The following EEIG2 variants were observed in gnomAD, a reference collection of about 807,000 sequenced individuals.
The protein encoded by EEIG2 is family with sequence similarity 102 member B.
chr1:108,629,716 G>A, the EEIG2 span: 2 of 1,322,480 alleles, frequency 1.5e-6, no homozygotes, highest in Non-Finnish European at 2.2e-6. Flanking sequence ...AAAAAATCAT[G>A]AGTAGAGGAT....
the EEIG2 span, among the ~76,000 whole-genome samples, chr1:108,574,430 G>A: frequency 2.0e-5 from 3 of 152,160 alleles, no homozygotes; most frequent in African/African-American, 4.8e-5. Context: ...TCTGGACATT[G>A]GACACTACTG....
chr1:108,581,349 G>C, the EEIG2 span, among the ~76,000 whole-genome samples: 2 of 152,152 alleles, frequency 1.3e-5, no homozygotes, highest in Non-Finnish European at 1.5e-5. Flanking sequence ...GCAGCTTGTG[G>C]ATCAAAAAGT....
chr1:108,592,808 A>G, the EEIG2 span, among the ~76,000 whole-genome samples: 2 of 152,352 alleles, frequency 1.3e-5, no homozygotes, highest in South Asian at 2.1e-4. Context: ...TCAGCTGCAT[A>G]TAACAAAATC....
chr1:108,579,772 T>TGAGAGAGAGA, the EEIG2 span, among the ~76,000 whole-genome samples: 901 of 58,850 alleles, frequency 0.015, 22 homozygotes, highest in Non-Finnish European at 0.022. Flanking sequence ...TGTGTGTGTG[T>TGAGAGAGAGA]GAGAGAGAGA....
the EEIG2 span, chr1:108,600,802 T>A: frequency 1.0e-6 from 1 of 990,708 alleles, no homozygotes; most frequent in Non-Finnish European, 1.4e-6. Context: ...ATATGCAGTT[T>A]CACTTCATGC....
the EEIG2 span, among the ~76,000 whole-genome samples, chr1:108,571,231 G>C: frequency 6.6e-6 from 1 of 152,124 alleles, no homozygotes; most frequent in Non-Finnish European, 1.5e-5. Flanking sequence ...AAGTAGTAGA[G>C]TTACAGCCTG....
the EEIG2 span, among the ~76,000 whole-genome samples, chr1:108,575,256 T>A: frequency 1.5e-4 from 23 of 152,226 alleles, no homozygotes; most frequent in Non-Finnish European, 2.8e-4. Context: ...CATTCTATCA[T>A]CCCATTTTTG....
chr1:108,595,735 T>G, the EEIG2 span, among the ~76,000 whole-genome samples: 3 of 146,486 alleles, frequency 2.0e-5, no homozygotes, highest in Non-Finnish European at 4.5e-5. Context: ...GAGAGGGAGA[T>G]GTAATAGCTT....
chr1:108,590,873 G>T, the EEIG2 span, among the ~76,000 whole-genome samples: 1 of 152,052 alleles, frequency 6.6e-6, no homozygotes, highest in African/African-American at 2.4e-5. Context: ...TGGTACAGTA[G>T]TCACAAAAAA....
the EEIG2 span, among the ~76,000 whole-genome samples, chr1:108,594,859 C>T: frequency 6.6e-6 from 1 of 152,124 alleles, no homozygotes; most frequent in African/African-American, 2.4e-5. Context: ...ATTTATAATG[C>T]TGTGCTGAAG....
chr1:108,616,694 C>T, the EEIG2 span, among the ~76,000 whole-genome samples: 3 of 152,010 alleles, frequency 2.0e-5, no homozygotes, highest in East Asian at 1.9e-4. Flanking sequence ...ATTTTTAATA[C>T]GGCTTCTGTG....
chr1:108,624,643 A>T, the EEIG2 span: 70 of 1,611,434 alleles, frequency 4.3e-5, no homozygotes, highest in Non-Finnish European at 5.9e-5. Context: ...GTTTATTTAC[A>T]GGCCTCCCTC....
chr1:108,612,310 G>T, the EEIG2 span: 126 of 1,514,186 alleles, frequency 8.3e-5, no homozygotes, highest in Non-Finnish European at 1.1e-4. Context: ...CACGTTTCAG[G>T]ATTTACTTGT....
the EEIG2 span, among the ~76,000 whole-genome samples, chr1:108,622,079 C>T: frequency 6.6e-6 from 1 of 152,152 alleles, no homozygotes; most frequent in Admixed American, 6.6e-5. Flanking sequence ...ATCACTTGAA[C>T]CCGGGAGGCG....
At chr1:108,560,262 A>AGGCGGC in the EEIG2 span, 1 of 229,694 alleles carries the variant, frequency 4.4e-6, no homozygotes, top group African/African-American at 2.4e-5. Context: ...CTGCCGCGAG[A>AGGCGGC]GGCGGCGGCA....
At chr1:108,595,186 G>A in the EEIG2 span, among the ~76,000 whole-genome samples, 1 of 151,976 alleles carries the variant, frequency 6.6e-6, no homozygotes, top group African/African-American at 2.4e-5. Context: ...CAAATGAAAT[G>A]TGACAGTCAT....
the EEIG2 span, among the ~76,000 whole-genome samples, chr1:108,609,046 C>G: frequency 1.3e-5 from 2 of 152,190 alleles, no homozygotes; most frequent in Non-Finnish European, 2.9e-5. Flanking sequence ...TAATACCACC[C>G]TTTTGGGGGT....
At chr1:108,628,481 G>A in the EEIG2 span, 1 of 1,614,118 alleles carries the variant, frequency 6.2e-7, no homozygotes, top group African/African-American at 1.3e-5. Context: ...ATCAACAGGA[G>A]TTGAAAGTAT....
At chr1:108,617,508 T>C in the EEIG2 span, among the ~76,000 whole-genome samples, 778 of 152,280 alleles carry the variant, frequency 5.1e-3, 3 homozygotes, top group Middle Eastern at 0.014. Flanking sequence ...CAGCGGGGCA[T>C]GTCAAGTAGG....
Sources: gnomAD v4.1 joint callset for allele counts (sites outside exome capture counted in the v4.1 genomes callset) on GRCh38, gnomAD v4.1.1 for gene constraint, MANE v1.5 for transcripts, NCBI Gene and HGNC (gene_info 2026-07-23, HGNC 2026-07-21) for gene names.